Variants in ZNF880 observed in about 807,000 individuals in gnomAD.
The protein encoded by ZNF880 is zinc finger protein LOC400713.
Under a neutral mutation model 11.8 loss-of-function variants are expected in ZNF880, and 12 were observed. That is an observed-to-expected ratio of 1.02 (90% CI 0.65 to 1.65). The LOEUF is 1.65. Among genes scored for constraint, ZNF880 ranks in the 40% most tolerant of loss-of-function variants. The probability of loss-of-function intolerance (pLI) is 0.00; values close to 1 mark genes in which losing one functional copy is unlikely to be tolerated. For synonymous variants in ZNF880, 210 were observed against 232.4 expected (o/e 0.90, Z 0.88); for missense variants, 601 against 673.9 (o/e 0.89, Z 1.20).
chr19:52,371,362 T>C (rs76063983), intron 1 of ZNF880, among the ~76,000 whole-genome samples: 1 of 151,862 alleles, frequency 6.6e-6, no homozygotes, highest in Non-Finnish European at 1.5e-5. Flanking sequence ...TTTTTTTTTC[T>C]TTTTCTGAGA....
downstream of ZNF880, among the ~76,000 whole-genome samples, chr19:52,386,663 G>C (rs929413248): frequency 4.2e-5 from 6 of 141,900 alleles, no homozygotes; most frequent in Admixed American, 2.1e-4. Flanking sequence ...TTAGCTGAGC[G>C]TGGTGGTAGA....
At chr19:52,392,131 A>T in the ZNF880 span, among the ~76,000 whole-genome samples, 3 of 152,164 alleles carry the variant, frequency 2.0e-5, no homozygotes, top group African/African-American at 7.2e-5. Flanking sequence ...CAACTTGGAG[A>T]AACAATTTAC....
chr19:52,396,736 A>G, the ZNF880 span: 6 of 152,478 alleles, frequency 3.9e-5, no homozygotes, highest in East Asian at 1.2e-3. Flanking sequence ...CCTGGGCAAC[A>G]AAACCAGACT....
At position 52,373,119 on chromosome 19, in the gene ZNF880, G is replaced by A. The variant is rs781191510; in HGVS notation, c.21G>A (p.Leu7=). The part of the protein sequence containing the change: MLRRGH[L]AFRDVAIEFP... The stretch of plus-strand genomic sequence containing the variant: ...TGTGTTTTTCATTTTAGGGACACTT[G>A]GCATTCAGGGACGTGGCCATAGAAT... Residue 7 remains leucine, a synonymous_variant, in exon 2 of 4, where the codon TTG becomes TTA. Coordinates refer to ENST00000422689, the MANE Select transcript of ZNF880 (RefSeq NM_001145434.2). 5.6e-6 allele frequency: 9 copies of A among 1,612,828 alleles called. No individual in the cohort carries two copies. The highest frequency in any genetic ancestry group is 3.3e-4 in the Middle Eastern group (2 of 6,046).
chr19:52,372,909 CAA>C lies in ZNF880; in HGVS notation c.13-178_13-177del, dbSNP rs201869014. On this transcript the variant is annotated intron_variant, in intron 1 of 3. Transcript: ENST00000422689. The stretch of plus-strand genomic sequence containing the variant: ...TGGGCGACAGAGCGAGACTCCGTCT[CAA>C]AAAAAAAAAAAAAAAAAAAAAAAGA... Among the ~76,000 whole-genome samples, 287 of 69,786 alleles carry C rather than the reference CAA, an allele frequency of 4.1e-3. No individual in the cohort carries two copies. The East Asian group carries it at 0.064, about 15-fold the overall frequency. 45.8% of individuals were successfully genotyped at this position (69,786 alleles called of 152,430 possible).
chr19:52,379,481 C>T (rs954769221), intron 3 of ZNF880: 10 of 447,914 alleles, frequency 2.2e-5, no homozygotes, highest in Non-Finnish European at 3.1e-5. Flanking sequence ...CTGCAACCTT[C>T]GCTTCCTGGA....
chr19:52,373,080 T>C (rs1418935171), intron 1 of ZNF880, 31 bp from the exon 2 acceptor site: 4 of 1,610,058 alleles, frequency 2.5e-6, no homozygotes, highest in Admixed American at 3.3e-5. Flanking sequence ...TTGTGTGATA[T>C]CCTGTTGGTG....
intron 1 of ZNF880, among the ~76,000 whole-genome samples, chr19:52,371,532 C>T (rs190345905): frequency 7.1e-4 from 108 of 152,108 alleles, no homozygotes; most frequent in African/African-American, 2.3e-3. Flanking sequence ...CCCACCAGTA[C>T]GCCTGGCTAA....
chr19:52,375,568 G>A (rs1002028881), intron 3 of ZNF880, among the ~76,000 whole-genome samples: 1 of 152,022 alleles, frequency 6.6e-6, no homozygotes, highest in Admixed American at 6.6e-5. Context: ...AAGTTCTTTA[G>A]TGGTGGTTTC....
chr19:52,388,282 C>CTTTT (rs68179783), downstream of ZNF880, among the ~76,000 whole-genome samples: 540 of 63,356 alleles, frequency 8.5e-3, 139 homozygotes, highest in African/African-American at 0.045. Context: ...GCAATTTGAA[C>CTTTT]TTTTTTTTTT....
chr19:52,375,720 A>G (rs927503968), intron 3 of ZNF880, among the ~76,000 whole-genome samples: 6 of 150,810 alleles, frequency 4.0e-5, no homozygotes, highest in Admixed American at 1.3e-4. Flanking sequence ...TTTAACTCCC[A>G]CTTATGAGTG....
rs1413405438 is a variant in ZNF880, at chr19:52,384,641, G to GT, written c.1062dup (p.Asn355Ter). The GT allele has an allele frequency of 5.0e-6, 8 of 1,611,934 alleles. No individual in the cohort carries two copies. Among genetic ancestry groups the GT allele is most frequent in the Non-Finnish European group, 6.8e-6 (8 of 1,178,972 alleles). ...CACACTGGAGAGAAACTTTACAAAT[G>GT]TAATAAATGTGGCAAGGTCTTCAAT... On this transcript the variant is annotated frameshift_variant, in exon 4 of 4. Transcript: ENST00000422689. LOFTEE classifies it low-confidence loss of function (END_TRUNC).
chr19:52,374,611 A>G, intron 3 of ZNF880, 184 bp downstream of exon 3: 1 of 798,984 alleles, frequency 1.3e-6, no homozygotes, highest in East Asian at 2.7e-5. Flanking sequence ...TGGTGGGATT[A>G]CAAGCATGAG....
intron 1 of ZNF880, among the ~76,000 whole-genome samples, chr19:52,372,308 G>A (rs894794271): frequency 9.1e-5 from 13 of 142,306 alleles, no homozygotes; most frequent in African/African-American, 3.4e-4. Flanking sequence ...TTTTTTTGGA[G>A]ACAGAGTCTC....
chr19:52,371,178 A>T (rs910198577), intron 1 of ZNF880, among the ~76,000 whole-genome samples: 2 of 152,042 alleles, frequency 1.3e-5, no homozygotes, highest in Non-Finnish European at 2.9e-5. Context: ...ATGACCTTAA[A>T]ATTGTTCTAC....
At chr19:52,369,000 A>G (rs867151014), upstream of ZNF880, among the ~76,000 whole-genome samples, 2 of 131,278 alleles carry the variant, frequency 1.5e-5, no homozygotes, top group Admixed American at 1.6e-4. Flanking sequence ...AAAAAAAAAA[A>G]GTTGTGACCT....
At chr19:52,371,831 T>G (rs924610619) in intron 1 of ZNF880, among the ~76,000 whole-genome samples, 2 of 152,226 alleles carry the variant, frequency 1.3e-5, no homozygotes, top group Non-Finnish European at 2.9e-5. Flanking sequence ...TATGGGCTTT[T>G]GTTGTTATAG....
chr19:52,367,199 C>G (rs1185091113), upstream of ZNF880: 1 of 154,914 alleles, frequency 6.5e-6, no homozygotes, highest in Non-Finnish European at 1.4e-5. Flanking sequence ...TCTTGGCTCA[C>G]TGCAACCTCC....
chr19:52,391,913 A>G, the ZNF880 span, among the ~76,000 whole-genome samples: 13,618 of 152,252 alleles, frequency 0.089, 851 homozygotes, highest in South Asian at 0.29. Flanking sequence ...TGAATGCTCA[A>G]CACAGAATGC....
Sources: gnomAD v4.1 joint callset for allele counts (sites outside exome capture counted in the v4.1 genomes callset) on GRCh38, gnomAD v4.1.1 for gene constraint, MANE v1.5 for transcripts, NCBI Gene and HGNC (gene_info 2026-07-23, HGNC 2026-07-21) for gene names.